SLC5A1: variants seen among roughly 807,000 people sequenced by gnomAD.
The protein encoded by SLC5A1 is solute carrier family 5 member 1.
A neutral mutation model predicts 73.5 loss-of-function variants in SLC5A1; 42 were observed. The ratio of observed to expected loss-of-function variants is 0.57; its 90% CI spans 0.45 to 0.74. The LOEUF (loss-of-function observed/expected upper bound fraction) is 0.74, where lower values mean the gene tolerates loss of function less well. Among genes scored for constraint, SLC5A1 ranks in the 30% least tolerant of loss-of-function variants. The pLI is 0.00. For synonymous variants in SLC5A1, 300 were observed against 317.4 expected (o/e 0.95, Z 0.58); for missense variants, 634 against 855.4 (o/e 0.74, Z 3.23).
At chr22:32,107,470 T>C (rs1357007291) in intron 14 of SLC5A1, among the ~76,000 whole-genome samples, 2 of 152,210 alleles carry the variant, frequency 1.3e-5, no homozygotes, top group Non-Finnish European at 2.9e-5. Flanking sequence ...TTCCTAATAC[T>C]CTGGGAAAGT....
At position 32,111,115 on chromosome 22, in the gene SLC5A1, T is replaced by A. The variant is rs16989883; in HGVS notation, c.*902T>A. ...CTCACTGGTTACTAATGACTTGGGA[T>A]GCATTTGTCAAACTGATTATATTAG... On this transcript the variant is annotated 3_prime_UTR_variant, in exon 15 of 15. Coordinates refer to ENST00000266088, the MANE Select transcript of SLC5A1 (RefSeq NM_000343.4). 1 of 152,222 alleles carries A rather than the reference T, an allele frequency of 6.6e-6. No homozygotes were observed. The highest frequency in any genetic ancestry group is 1.9e-4 in the East Asian group (1 of 5,198). The allele number at this position is 152,222 out of a possible 1,614,324, so 9.4% of individuals were successfully genotyped here.
chr22:32,092,281 C>T (rs2094019224), intron 11 of SLC5A1, among the ~76,000 whole-genome samples: 1 of 152,164 alleles, frequency 6.6e-6, no homozygotes, highest in Non-Finnish European at 1.5e-5. Context: ...TTAATTCGTT[C>T]CTTTTTATGG....
chr22:32,096,362 G>A (rs1396456397), intron 11 of SLC5A1, among the ~76,000 whole-genome samples: 1 of 152,176 alleles, frequency 6.6e-6, no homozygotes, highest in Admixed American at 6.5e-5. Flanking sequence ...GGCAGAGACA[G>A]GACTGGAATC....
At chr22:32,050,093 G>C in intron 2 of SLC5A1, 79 bp downstream of exon 2, 2 of 1,262,104 alleles carry the variant, frequency 1.6e-6, no homozygotes, top group Non-Finnish European at 2.3e-6. Flanking sequence ...TCTTGGCTTT[G>C]GGTGGTGGTG....
intron 11 of SLC5A1, 84 bp from the exon 12 acceptor site, chr22:32,099,099 A>T (rs1384329082): frequency 1.1e-4 from 17 of 160,394 alleles, no homozygotes; most frequent in East Asian, 9.2e-4. Flanking sequence ...AAAAAAAAAA[A>T]AAAAAAATAT....
intron 5 of SLC5A1, among the ~76,000 whole-genome samples, chr22:32,079,937 C>A (rs80272272): frequency 6.6e-6 from 1 of 152,146 alleles, no homozygotes; most frequent in Non-Finnish European, 1.5e-5. Context: ...AGAATGGAAG[C>A]GGTCCAGAAC....
intron 2 of SLC5A1, chr22:32,059,436 T>G: frequency 1.3e-6 from 1 of 744,418 alleles, no homozygotes; most frequent in Non-Finnish European, 1.6e-6. Context: ...AGTGTTTTTA[T>G]AGACAGAGCT....
At chr22:32,109,330 G>A (rs1279284464) in intron 14 of SLC5A1, among the ~76,000 whole-genome samples, 4 of 152,120 alleles carry the variant, frequency 2.6e-5, no homozygotes, top group Non-Finnish European at 4.4e-5. Context: ...CCAGGGCCAC[G>A]CCTGGGCTCA....
intron 11 of SLC5A1, among the ~76,000 whole-genome samples, chr22:32,095,854 C>T (rs1005712360): frequency 6.6e-6 from 1 of 152,150 alleles, no homozygotes; most frequent in Admixed American, 6.5e-5. Context: ...TTATATTCAA[C>T]GTTAGTATTG....
At chr22:32,078,954 C>CAGAAA (rs1412133108) in intron 5 of SLC5A1, among the ~76,000 whole-genome samples, 1 of 109,116 alleles carries the variant, frequency 9.2e-6, no homozygotes, top group African/African-American at 4.4e-5. Context: ...ACTCTGTCTC[C>CAGAAA]AAAAAAAAAA....
Position 32,083,130 on chromosome 22 carries a change from G to C in SLC5A1, c.640G>C (p.Gly214Arg). 1.9e-6 allele frequency: 3 copies of C among 1,614,182 alleles called. No homozygotes were observed. Among genetic ancestry groups the C allele is most frequent in the Non-Finnish European group, 2.5e-6 (3 of 1,180,028 alleles). ...CTTGCAGACGGTGATCATGCTGGTG[G>C]GGTCTTTAATCCTGACTGGGTTTGG... ...DTLQTVIMLVGSLILTGFAFH... is the reference protein window; with the variant it reads ...DTLQTVIMLVRSLILTGFAFH... The change falls in exon 7 of 15, where the codon GGG (glycine) becomes CGG (arginine). Residue 214 changes from glycine to arginine, a missense_variant. Physicochemically the swap from Gly to Arg is moderately radical, Grantham distance 125. Coordinates refer to ENST00000266088, the MANE Select transcript of SLC5A1 (RefSeq NM_000343.4).
chr22:32,050,171 C>T (rs192727457), intron 2 of SLC5A1, among the ~76,000 whole-genome samples, 157 bp downstream of exon 2: 52 of 152,336 alleles, frequency 3.4e-4, no homozygotes, highest in Middle Eastern at 3.4e-3. Context: ...GTCTCCTGGG[C>T]ACCCTTAATC....
At chr22:32,093,852 G>A (rs909858567) in intron 11 of SLC5A1, among the ~76,000 whole-genome samples, 5 of 152,132 alleles carry the variant, frequency 3.3e-5, no homozygotes, top group Admixed American at 2.0e-4. Context: ...TTGTCTGATT[G>A]CTCTGGCTAG....
intron 12 of SLC5A1, among the ~76,000 whole-genome samples, chr22:32,100,061 C>T (rs1464068326): frequency 2.0e-5 from 3 of 152,176 alleles, no homozygotes; most frequent in African/African-American, 7.2e-5. Context: ...AGAGGGAAGA[C>T]ATGGCATTCA....
intron 2 of SLC5A1, among the ~76,000 whole-genome samples, chr22:32,060,144 T>TAC (rs61064953): frequency 0.024 from 3,057 of 125,016 alleles, 57 homozygotes; most frequent in African/African-American, 0.074. Context: ...TATATACACA[T>TAC]ACACACACAC....
intron 5 of SLC5A1, among the ~76,000 whole-genome samples, chr22:32,078,125 G>A (rs2093993902): frequency 6.6e-6 from 1 of 152,100 alleles, no homozygotes. Flanking sequence ...ATTTTTAGGG[G>A]CTGCAGAACA....
intron 5 of SLC5A1, among the ~76,000 whole-genome samples, chr22:32,076,427 T>C (rs1757509763): frequency 6.6e-6 from 1 of 152,234 alleles, no homozygotes; most frequent in African/African-American, 2.4e-5. Flanking sequence ...TCCCTGGAGA[T>C]AAAGCCTCAG....
chr22:32,095,517 G>A (rs1369041564), intron 11 of SLC5A1, among the ~76,000 whole-genome samples: 2 of 152,096 alleles, frequency 1.3e-5, no homozygotes, highest in East Asian at 3.8e-4. Flanking sequence ...TATACATTTG[G>A]GAGGTCCAGT....
rs78638643 is a variant in SLC5A1, at chr22:32,066,525, G to T, written c.208-410G>T. ...AGTGTTTACTGAGAGCCTGTATTGG[G>T]CAAGACCCTAAGCCACCAGGCATGC... is the stretch of plus-strand genomic sequence containing the variant. On this transcript the variant is annotated intron_variant, in intron 2 of 14. Coordinates refer to ENST00000266088, the MANE Select transcript of SLC5A1 (RefSeq NM_000343.4). 5.5e-3 allele frequency among the ~76,000 whole-genome samples: 832 copies of T among 152,236 alleles called. 14 individuals are homozygous for T. Among genetic ancestry groups the T allele is most frequent in the African/African-American group, 0.019 (780 of 41,540 alleles).
Sources: gnomAD v4.1 joint callset for allele counts (sites outside exome capture counted in the v4.1 genomes callset) on GRCh38, gnomAD v4.1.1 for gene constraint, MANE v1.5 for transcripts, NCBI Gene and HGNC (gene_info 2026-07-23, HGNC 2026-07-21) for gene names.